RPS6KC1: variants seen among roughly 807,000 people sequenced by gnomAD.
RPS6KC1 encodes the protein ribosomal protein S6 kinase C1, also known as inactive ribosomal protein S6 kinase delta-1.
Under a neutral mutation model 103.8 loss-of-function variants are expected in RPS6KC1, and 54 were observed. The ratio of observed to expected loss-of-function variants is 0.52; its 90% CI spans 0.42 to 0.65. The LOEUF is 0.65. Among genes scored for constraint, RPS6KC1 ranks in the 30% least tolerant of loss-of-function variants. The pLI is 0.00. For synonymous variants in RPS6KC1, 439 were observed against 438.7 expected, an observed-to-expected ratio of 1.00 and a Z score of -0.01; for missense variants, 1,151 against 1,253.8, an observed-to-expected ratio of 0.92 and a Z score of 1.24.
At chr1:213,656,388 A>G in the RPS6KC1 span, among the ~76,000 whole-genome samples, 6 of 152,238 alleles carry the variant, frequency 3.9e-5, no homozygotes, top group Non-Finnish European at 8.8e-5. Context: ...GGTGCCTAAA[A>G]CAGGATGAAA....
the RPS6KC1 span, among the ~76,000 whole-genome samples, chr1:213,299,065 C>G: frequency 6.6e-6 from 1 of 152,194 alleles, no homozygotes; most frequent in Admixed American, 6.5e-5. Context: ...GCATCTGTCT[C>G]TAGCAACATG....
the RPS6KC1 span, among the ~76,000 whole-genome samples, chr1:213,614,001 C>G: frequency 6.6e-6 from 1 of 152,230 alleles, no homozygotes; most frequent in Admixed American, 6.5e-5. Flanking sequence ...AGATCTTCCC[C>G]TCTGATGTGA....
chr1:213,363,288 C>G, the RPS6KC1 span, among the ~76,000 whole-genome samples: 1 of 152,178 alleles, frequency 6.6e-6, no homozygotes, highest in Non-Finnish European at 1.5e-5. Flanking sequence ...GAATTCACTC[C>G]TATTGTGAGT....
chr1:213,182,854 A>ATT (rs1491299881), intron 8 of RPS6KC1, among the ~76,000 whole-genome samples: 1 of 147,990 alleles, frequency 6.8e-6, no homozygotes, highest in African/African-American at 2.5e-5. Flanking sequence ...ATATATCATG[A>ATT]TATATATGTA....
chr1:213,194,567 G>T (rs1007907558), intron 8 of RPS6KC1, among the ~76,000 whole-genome samples: 1 of 152,138 alleles, frequency 6.6e-6, no homozygotes, highest in African/African-American at 2.4e-5. Flanking sequence ...TCACTCTATC[G>T]CCTGTTAGGA....
At chr1:213,137,664 C>T (rs2086446460) in intron 6 of RPS6KC1, among the ~76,000 whole-genome samples, 1 of 150,902 alleles carries the variant, frequency 6.6e-6, no homozygotes, top group Non-Finnish European at 1.5e-5. Context: ...AGATGCCAAC[C>T]TGTGTTTGGC....
intron 6 of RPS6KC1, among the ~76,000 whole-genome samples, chr1:213,164,808 G>T (rs1224059291): frequency 6.6e-6 from 1 of 152,142 alleles, no homozygotes; most frequent in Non-Finnish European, 1.5e-5. Flanking sequence ...GGATCAAGCA[G>T]TTCTCTCACC....
the RPS6KC1 span, among the ~76,000 whole-genome samples, chr1:213,338,769 AT>A: frequency 0.077 from 10,660 of 138,204 alleles, 871 homozygotes; most frequent in African/African-American, 0.21. Flanking sequence ...GTCTTGCAGC[AT>A]TTTTTTTTTT....
At chr1:213,441,581 C>T in the RPS6KC1 span, among the ~76,000 whole-genome samples, 14 of 152,282 alleles carry the variant, frequency 9.2e-5, no homozygotes, top group East Asian at 1.9e-4. Flanking sequence ...TTGCTTCATC[C>T]GTCTGTTGAT....
intron 8 of RPS6KC1, among the ~76,000 whole-genome samples, chr1:213,198,299 G>C (rs1207156546): frequency 6.6e-6 from 1 of 152,138 alleles, no homozygotes; most frequent in Non-Finnish European, 1.5e-5. Flanking sequence ...CTGGCTAATA[G>C]AATTTCTGCT....
chr1:213,323,464 A>G, the RPS6KC1 span, among the ~76,000 whole-genome samples: 1 of 152,286 alleles, frequency 6.6e-6, no homozygotes, highest in East Asian at 1.9e-4. Context: ...CAATTTCAGC[A>G]TGGAATCTTC....
the RPS6KC1 span, among the ~76,000 whole-genome samples, chr1:213,808,001 A>C: frequency 6.6e-6 from 1 of 152,054 alleles, no homozygotes; most frequent in African/African-American, 2.4e-5. Context: ...AACAGACAGG[A>C]CCCTCAGCTG....
chr1:213,811,064 A>T, the RPS6KC1 span, among the ~76,000 whole-genome samples: 1 of 151,640 alleles, frequency 6.6e-6, no homozygotes, highest in Non-Finnish European at 1.5e-5. Flanking sequence ...TCCCAGCTGG[A>T]CTCTTCTCAG....
intron 6 of RPS6KC1, among the ~76,000 whole-genome samples, chr1:213,162,120 G>T (rs546565582): frequency 6.6e-6 from 1 of 151,894 alleles, no homozygotes; most frequent in African/African-American, 2.4e-5. Flanking sequence ...TTTTCGTTTG[G>T]TGTCTGTCAT....
Position 213,273,135 on chromosome 1 carries a change from C to CT in RPS6KC1, c.*502dup, listed in dbSNP as rs1558675960. The CT allele has an allele frequency of 6.4e-6, 1 of 155,586 alleles. No homozygotes were observed. The highest frequency in any genetic ancestry group is 2.4e-5 in the African/African-American group (1 of 41,458). The allele number at this position is 155,586 out of a possible 1,614,324, so 9.6% of individuals were successfully genotyped here. On this transcript the variant is annotated 3_prime_UTR_variant, in exon 15 of 15. Transcript: ENST00000366960. ...AGAAAAAAGAATATACACATAATTT[C>CT]TGACGGAAAACCTGTACCCTGATGC...
the RPS6KC1 span, among the ~76,000 whole-genome samples, chr1:213,732,078 T>G: frequency 6.6e-6 from 1 of 152,098 alleles, no homozygotes; most frequent in South Asian, 2.1e-4. Flanking sequence ...TCTTTATATA[T>G]CTTCCATTTT....
rs747112782 is a variant in RPS6KC1 at position 213,176,426 on chromosome 1, C to T, written c.978C>T (p.Pro326=). Residue 326 remains proline, a synonymous_variant, in exon 8 of 15, where the codon CCC becomes CCT. Transcript: ENST00000366960. ...SQPPGSLSSR[P]LWNLRSPAEE... ...CTCCAGGATCACTAAGTTCAAGGCC[C>T]CTTTGGAACCTAAGGAGCCCTGCCG... is the stretch of plus-strand genomic sequence containing the variant. 7 of 1,607,664 alleles carry T rather than the reference C, an allele frequency of 4.4e-6. No homozygotes were observed. The highest frequency in any genetic ancestry group is 2.7e-5 in the African/African-American group (2 of 74,814).
At chr1:213,547,673 C>T in the RPS6KC1 span, among the ~76,000 whole-genome samples, 7 of 152,254 alleles carry the variant, frequency 4.6e-5, no homozygotes, top group East Asian at 1.4e-3. Context: ...AAATCTTACT[C>T]TGTTAGTTCC....
the RPS6KC1 span, among the ~76,000 whole-genome samples, chr1:213,639,054 A>G: frequency 6.6e-6 from 1 of 151,584 alleles, no homozygotes; most frequent in African/African-American, 2.4e-5. Context: ...CAGCATATAT[A>G]CTCTGTATAT....
Sources: gnomAD v4.1 joint callset for allele counts (sites outside exome capture counted in the v4.1 genomes callset) on GRCh38, gnomAD v4.1.1 for gene constraint, MANE v1.5 for transcripts, NCBI Gene and HGNC (gene_info 2026-07-23, HGNC 2026-07-21) for gene names.